AMPD3: variants seen among roughly 807,000 people sequenced by gnomAD.
AMPD3 encodes adenosine monophosphate deaminase 3, also known as AMP deaminase 3.
In AMPD3, 57 loss-of-function variants were observed where a neutral mutation model predicts 82.3. The observed-to-expected ratio is 0.69, with a 90% CI of 0.56 to 0.86. AMPD3 has a LOEUF of 0.86. Among genes scored for constraint, AMPD3 ranks in the 40% least tolerant of loss-of-function variants. AMPD3 has a pLI of 0.00. For missense variants in AMPD3, 870 were observed against 1,003.8 expected, an observed-to-expected ratio of 0.87 and a Z score of 1.80; for synonymous variants, 381 against 394.7, an observed-to-expected ratio of 0.97 and a Z score of 0.41.
At position 10,501,940 on chromosome 11, in the gene AMPD3, G is replaced by A. The variant is rs1039734929; in HGVS notation, c.1842+350G>A. 22 of 985,064 alleles carry A rather than the reference G, an allele frequency of 2.2e-5. No individual in the cohort carries two copies. In the Admixed American group the frequency reaches 9.8e-4, roughly 44 times the overall value. The allele number at this position is 985,064 out of a possible 1,614,324, so 61.0% of individuals were successfully genotyped here. ...TTTGGTTCCTGCCTCGTCCCTTACT[G>A]TTGTATGACAAGCATTTTTTGATGC... On this transcript the variant is annotated intron_variant, in intron 12 of 14. Coordinates refer to ENST00000396553, the MANE Select transcript of AMPD3 (RefSeq NM_001025389.2).
intron 2 of AMPD3, among the ~76,000 whole-genome samples, chr11:10,474,085 T>C (rs1443812587): frequency 6.6e-6 from 1 of 152,022 alleles, no homozygotes; most frequent in East Asian, 1.9e-4. Flanking sequence ...TCCTCTGGGG[T>C]CCCAAAATAT....
At chr11:10,453,882 C>T (rs369743099), upstream of AMPD3, among the ~76,000 whole-genome samples, 16 of 152,246 alleles carry the variant, frequency 1.1e-4, no homozygotes, top group Admixed American at 3.9e-4. Context: ...CCACCATGCC[C>T]GGCCGATATC....
rs748852415 is a variant in AMPD3, at chr11:10,501,502, C to G, written c.1754C>G (p.Pro585Arg). The G allele has an allele frequency of 6.8e-6, 11 of 1,614,134 alleles. No individual in the cohort carries two copies. The highest frequency in any genetic ancestry group is 9.3e-6 in the Non-Finnish European group (11 of 1,180,012). ...ERGLSTFLFRPHCGEAGSITH... is the reference protein window; with the variant it reads ...ERGLSTFLFRRHCGEAGSITH... ...GGCCTGAGCACGTTCCTGTTCCGGC[C>G]GCACTGTGGGGAAGCCGGCTCCATC... is the stretch of plus-strand genomic sequence containing the variant. The change falls in exon 12 of 15, where the codon CCG becomes CGG. Residue 585 changes from proline (P) to arginine (R), a missense_variant. Transcript: ENST00000396553.
In AMPD3 at chr11:10,502,532, T is replaced by A. The variant is rs151248963; in HGVS notation, c.1843-189T>A. 175 of 985,424 alleles carry A rather than the reference T, an allele frequency of 1.8e-4. No homozygotes were observed. In the African/African-American group the frequency reaches 2.8e-3, roughly 16 times the overall value. 61.0% of individuals were successfully genotyped at this position (985,424 alleles called of 1,614,324 possible). On this transcript the variant is annotated intron_variant, in intron 12 of 14. Coordinates refer to ENST00000396553, the MANE Select transcript of AMPD3 (RefSeq NM_001025389.2). ...GCTGGCATGCAATGTAGGAATGAGA[T>A]GAACAGTGGGGAAGGGGAGAGTGGG...
chr11:10,478,525 G>T lies in AMPD3; in HGVS notation c.222-1G>T, dbSNP rs139938285. The stretch of plus-strand genomic sequence containing the variant: ...CACTTTTCCTTGTCCTTGGCTCTTA[G>T]AAAGAAAAGTTTCAAGATGATTCGG... On this transcript the variant is annotated splice_acceptor_variant, in intron 2 of 14. Coordinates refer to ENST00000396553, the MANE Select transcript of AMPD3 (RefSeq NM_001025389.2). LOFTEE classifies it high-confidence loss of function. The T allele has an allele frequency of 6.2e-7, 1 of 1,613,998 alleles. No individual in the cohort carries two copies. The highest frequency in any genetic ancestry group is 1.3e-5 in the African/African-American group (1 of 74,924).
chr11:10,484,192 T>C, intron 4 of AMPD3: 1 of 963,606 alleles, frequency 1.0e-6, no homozygotes, highest in Non-Finnish European at 1.2e-6. Context: ...GCAGGGAAAT[T>C]GCATAGAGGA....
At chr11:10,477,208 C>A in intron 2 of AMPD3, 1 of 645,604 alleles carries the variant, frequency 1.5e-6, no homozygotes, top group Non-Finnish European at 1.9e-6. Flanking sequence ...GTAGGTATCA[C>A]ACTAGTACCT....
chr11:10,477,379 T>G (rs2133873988), intron 2 of AMPD3, among the ~76,000 whole-genome samples: 1 of 152,260 alleles, frequency 6.6e-6, no homozygotes. Flanking sequence ...GATGGCACCG[T>G]GGGGAGGCCG....
chr11:10,469,092 C>T (rs999042331), intron 2 of AMPD3, among the ~76,000 whole-genome samples: 3 of 152,014 alleles, frequency 2.0e-5, no homozygotes, highest in African/African-American at 7.2e-5. Context: ...GCTAGAGAAG[C>T]AAGAGCAAAC....
At chr11:10,493,922 T>C (rs1333793730) in intron 7 of AMPD3, among the ~76,000 whole-genome samples, 1 of 152,252 alleles carries the variant, frequency 6.6e-6, no homozygotes, top group Non-Finnish European at 1.5e-5. Context: ...GAAAACAGTA[T>C]GGTAGTTCCT....
chr11:10,500,692 C>T (rs1849554067), intron 11 of AMPD3: 1 of 985,266 alleles, frequency 1.0e-6, no homozygotes, highest in Non-Finnish European at 1.2e-6. Flanking sequence ...CAAATCACTG[C>T]ATCTGGCATG....
intron 7 of AMPD3, 64 bp downstream of exon 7, chr11:10,493,607 T>A: frequency 6.4e-7 from 1 of 1,563,686 alleles, no homozygotes; most frequent in Non-Finnish European, 8.7e-7. Flanking sequence ...CTCAGCCCCC[T>A]GGAAAGCCAC....
At chr11:10,465,163 G>T (rs1262377652) in intron 2 of AMPD3, among the ~76,000 whole-genome samples, 1 of 152,174 alleles carries the variant, frequency 6.6e-6, no homozygotes, top group Non-Finnish European at 1.5e-5. Flanking sequence ...TTCCTGTTTT[G>T]TTATTGTTGT....
At chr11:10,454,772 G>A (rs139576752), upstream of AMPD3, among the ~76,000 whole-genome samples, 1 of 152,248 alleles carries the variant, frequency 6.6e-6, no homozygotes, top group East Asian at 1.9e-4. Flanking sequence ...CAAAACACTA[G>A]CAGAAAAAGT....
At chr11:10,490,540 C>T (rs566892367) in intron 6 of AMPD3, 2 of 985,438 alleles carry the variant, frequency 2.0e-6, no homozygotes, top group East Asian at 2.3e-4. Context: ...GGGGAATGCA[C>T]TTGGATCCTC....
At chr11:10,460,852 G>T in intron 1 of AMPD3, 2 of 980,152 alleles carry the variant, frequency 2.0e-6, no homozygotes, top group Non-Finnish European at 1.2e-6. Context: ...ATCAGTATGC[G>T]AGGAGGTGGA....
In AMPD3 at chr11:10,506,130, T is replaced by C; in HGVS notation, c.*246T>C. ...GGAGCTGAGCACTTGTCTATACTTGTTCCTAATTTTCCAAGTATTTCTCTT... is the reference window on the plus strand; with the variant it reads ...GGAGCTGAGCACTTGTCTATACTTGCTCCTAATTTTCCAAGTATTTCTCTT... On this transcript the variant is annotated 3_prime_UTR_variant, in exon 15 of 15. Coordinates refer to ENST00000396553, the MANE Select transcript of AMPD3 (RefSeq NM_001025389.2). The surrounding 1 kb of genome is among the most constrained non-coding windows in gnomAD (Gnocchi z 4.1). 1.9e-6 allele frequency: 1 copy of C among 528,228 alleles called. No individual in the cohort carries two copies. Among genetic ancestry groups the C allele is most frequent in the South Asian group, 2.1e-5 (1 of 48,752 alleles). The allele number at this position is 528,228 out of a possible 1,614,324, so 32.7% of individuals were successfully genotyped here. A position where few individuals can be genotyped will look rare whatever the true frequency, so the allele number is the denominator to read the frequency against.
At chr11:10,455,861 C>T (rs1848077799) in intron 1 of AMPD3, 1 of 976,028 alleles carries the variant, frequency 1.0e-6, no homozygotes, top group African/African-American at 1.8e-5. Flanking sequence ...TCGGGCTGTA[C>T]CTGAGACCAA....
intron 10 of AMPD3, 108 bp downstream of exon 10, chr11:10,497,046 T>G: frequency 7.1e-7 from 1 of 1,400,668 alleles, no homozygotes; most frequent in Non-Finnish European, 1.0e-6. Context: ...GTATCTTAGG[T>G]CCTGCCACCT....
Sources: allele counts gnomAD v4.1 joint callset (sites outside exome capture counted in the v4.1 genomes callset), GRCh38; gene constraint gnomAD v4.1.1; non-coding constraint Gnocchi (gnomAD v3.1); transcripts MANE v1.5; gene names NCBI Gene and HGNC (gene_info 2026-07-23, HGNC 2026-07-21).